The following TMTC2 variants were observed in gnomAD, a reference collection of about 807,000 sequenced individuals.
TMTC2 encodes the protein transmembrane O-mannosyltransferase targeting cadherins 2.
Under a neutral mutation model 82.4 loss-of-function variants are expected in TMTC2, and 43 were observed. The observed-to-expected ratio is 0.52, with a 90% CI of 0.41 to 0.67. TMTC2 has a LOEUF of 0.67. Among genes scored for constraint, TMTC2 ranks in the 30% least tolerant of loss-of-function variants. The pLI, the probability that TMTC2 is intolerant of heterozygous loss-of-function variation, is 0.00. For missense variants in TMTC2, 919 were observed against 1,012.4 expected, an observed-to-expected ratio of 0.91 and a Z score of 1.25; for synonymous variants, 408 against 381.9, an observed-to-expected ratio of 1.07 and a Z score of -0.80.
chr12:82,691,379 A>G lies in TMTC2; in HGVS notation c.83+3710A>G, dbSNP rs191225673. On this transcript the variant is annotated intron_variant, in intron 1 of 11. Transcript: ENST00000321196. Reference sequence around the variant, plus strand: ...ACACAGCAGAAGTTTCTACTATGGAATTAAAATTACATCAAGCTCTTAATA... The same window carrying G: ...ACACAGCAGAAGTTTCTACTATGGAGTTAAAATTACATCAAGCTCTTAATA... Among the ~76,000 whole-genome samples, 359 of 152,304 alleles carry G rather than the reference A, an allele frequency of 2.4e-3. 2 individuals carry two copies. Among genetic ancestry groups the G allele is most frequent in the African/African-American group, 8.2e-3 (343 of 41,578 alleles).
intron 4 of TMTC2, among the ~76,000 whole-genome samples, chr12:82,937,394 C>T (rs1876373288): frequency 6.6e-6 from 1 of 152,130 alleles, no homozygotes; most frequent in African/African-American, 2.4e-5. Flanking sequence ...TCTATCTTCA[C>T]ATCGCCATCT....
At chr12:82,951,513 G>A (rs4346031) in intron 4 of TMTC2, among the ~76,000 whole-genome samples, 110,687 of 151,900 alleles carry the variant, frequency 0.73, 41,734 homozygotes, top group South Asian at 0.85. Flanking sequence ...TAGAGATAGG[G>A]TTTCACCAGA....
At chr12:82,765,468 A>G (rs539978604) in intron 1 of TMTC2, among the ~76,000 whole-genome samples, 270 of 152,170 alleles carry the variant, frequency 1.8e-3, no homozygotes, top group African/African-American at 6.2e-3. Flanking sequence ...TGAGGTTGGG[A>G]GTTTGAGACC....
chr12:82,909,232 C>A (rs1874491517), intron 3 of TMTC2, among the ~76,000 whole-genome samples: 1 of 152,132 alleles, frequency 6.6e-6, no homozygotes, highest in Non-Finnish European at 1.5e-5. Flanking sequence ...GCATGAAGTT[C>A]ATTAAAGCCT....
chr12:82,821,165 A>C (rs773287952), intron 1 of TMTC2, among the ~76,000 whole-genome samples: 20 of 152,142 alleles, frequency 1.3e-4, no homozygotes, highest in Non-Finnish European at 2.9e-4. Context: ...GGCCAATTCT[A>C]GGTTTTTATG....
intron 8 of TMTC2, among the ~76,000 whole-genome samples, chr12:83,008,876 G>A (rs571800474): frequency 8.5e-5 from 13 of 152,202 alleles, no homozygotes; most frequent in Admixed American, 2.6e-4. Context: ...TTGCCCTTAG[G>A]TTTCCCTTAG....
chr12:83,035,802 C>G (rs1325638280), intron 9 of TMTC2, among the ~76,000 whole-genome samples: 1 of 152,214 alleles, frequency 6.6e-6, no homozygotes, highest in East Asian at 1.9e-4. Flanking sequence ...TTAAAAATGA[C>G]TAGAAAAACC....
chr12:83,082,185 A>G (rs1026617110), intron 11 of TMTC2, among the ~76,000 whole-genome samples: 1 of 152,234 alleles, frequency 6.6e-6, no homozygotes, highest in Non-Finnish European at 1.5e-5. Flanking sequence ...AAGATGTCAT[A>G]TGACTCAATT....
chr12:83,092,417 T>A (rs1185113465), intron 11 of TMTC2, among the ~76,000 whole-genome samples: 1 of 152,160 alleles, frequency 6.6e-6, no homozygotes, highest in African/African-American at 2.4e-5. Context: ...GGTAAGAGTT[T>A]CCTTTTATGG....
At chr12:82,886,504 A>G (rs1873107090) in intron 2 of TMTC2, among the ~76,000 whole-genome samples, 1 of 152,230 alleles carries the variant, frequency 6.6e-6, no homozygotes, top group African/African-American at 2.4e-5. Context: ...CTATGGGTTT[A>G]AGTGAACAAA....
At chr12:83,103,466 G>A (rs193042939) in intron 11 of TMTC2, among the ~76,000 whole-genome samples, 8 of 152,206 alleles carry the variant, frequency 5.3e-5, no homozygotes, top group African/African-American at 9.6e-5. Context: ...TTCGGATCTC[G>A]GAAGGTAAAG....
intron 8 of TMTC2, among the ~76,000 whole-genome samples, chr12:82,989,928 C>G (rs1267996299): frequency 6.6e-6 from 1 of 152,002 alleles, no homozygotes; most frequent in Non-Finnish European, 1.5e-5. Context: ...ACTCACAGTG[C>G]CAAAACCCCA....
At chr12:82,716,392 C>T (rs1873900351) in intron 1 of TMTC2, among the ~76,000 whole-genome samples, 1 of 137,088 alleles carries the variant, frequency 7.3e-6, no homozygotes. Context: ...GAGACGGAGT[C>T]TCGCTTTGTC....
At chr12:82,910,215 A>C (rs980845914) in intron 3 of TMTC2, among the ~76,000 whole-genome samples, 14 of 152,218 alleles carry the variant, frequency 9.2e-5, no homozygotes, top group Non-Finnish European at 2.1e-4. Context: ...AAAGGATTTG[A>C]TGTAGAGGAA....
At chr12:82,929,349 G>A (rs11115493) in intron 3 of TMTC2, among the ~76,000 whole-genome samples, 15,339 of 152,102 alleles carry the variant, frequency 0.1, 1,040 homozygotes, top group Middle Eastern at 0.17. Flanking sequence ...AAGCCATTGT[G>A]CCCAGCCTCA....
At chr12:82,782,023 G>A (rs1046271311) in intron 1 of TMTC2, among the ~76,000 whole-genome samples, 27 of 152,120 alleles carry the variant, frequency 1.8e-4, no homozygotes, top group African/African-American at 5.8e-4. Flanking sequence ...TCCCCCATCC[G>A]CAGAGAAAAG....
intron 2 of TMTC2, among the ~76,000 whole-genome samples, chr12:82,875,021 T>A (rs1021091613): frequency 2.0e-5 from 3 of 152,100 alleles, no homozygotes; most frequent in African/African-American, 7.2e-5. Context: ...GGCCAGATAG[T>A]CAATGTTTTT....
chr12:83,070,513 A>G (rs1260255899), intron 11 of TMTC2, among the ~76,000 whole-genome samples: 2 of 152,102 alleles, frequency 1.3e-5, no homozygotes, highest in African/African-American at 2.4e-5. Context: ...GGTGTATAGA[A>G]GAGCTACTAA....
At chr12:83,121,443 G>A (rs1012910475) in intron 11 of TMTC2, among the ~76,000 whole-genome samples, 4 of 152,090 alleles carry the variant, frequency 2.6e-5, no homozygotes, top group Admixed American at 2.6e-4. Flanking sequence ...TAGCCACCCA[G>A]CAAGTCTACC....
Sources: allele counts gnomAD v4.1 joint callset (sites outside exome capture counted in the v4.1 genomes callset), GRCh38; gene constraint gnomAD v4.1.1; transcripts MANE v1.5; gene names NCBI Gene and HGNC (gene_info 2026-07-23, HGNC 2026-07-21).